The following SLC4A4 variants were observed in gnomAD, a reference collection of about 807,000 sequenced individuals.
SLC4A4 encodes the protein solute carrier family 4 member 4.
A neutral mutation model predicts 111.5 loss-of-function variants in SLC4A4; 27 were observed. The ratio of observed to expected loss-of-function variants is 0.24; its 90% CI spans 0.18 to 0.33. The LOEUF is 0.33. SLC4A4 is among the 10% of genes least tolerant of loss of function. The pLI is 1.00. For synonymous variants in SLC4A4, 443 were observed against 463.4 expected (o/e 0.96, Z 0.57); for missense variants, 909 against 1,315.5 (o/e 0.69, Z 4.78).
intron 3 of SLC4A4, among the ~76,000 whole-genome samples, chr4:71,273,915 G>A (rs2149083827): frequency 6.6e-6 from 1 of 152,232 alleles, no homozygotes; most frequent in Admixed American, 6.5e-5. Flanking sequence ...ATGATTAAAT[G>A]AGATAATCAA....
Position 71,097,465 on chromosome 4 carries a change from A to T in SLC4A4, c.-2+4673A>T, listed in dbSNP as rs1487917145. On this transcript the variant is annotated intron_variant, in intron 2 of 26. Transcript: ENST00000649996. ...TTGATTCTATGTCTTTGCTATTGTG[A>T]ATAGTGCTGCAATAAACATTTGCAT... Among the ~76,000 whole-genome samples the T allele has an allele frequency of 2.6e-5, 4 of 152,176 alleles. No homozygotes were observed. In the East Asian group the frequency reaches 7.7e-4, roughly 29 times the overall value.
chr4:71,286,792 T>C (rs923153481), intron 3 of SLC4A4, among the ~76,000 whole-genome samples: 1 of 152,262 alleles, frequency 6.6e-6, no homozygotes, highest in Non-Finnish European at 1.5e-5. Context: ...TTATTGTTAC[T>C]ACTTCGAAAT....
At chr4:71,147,659 T>C (rs1005721987) in intron 2 of SLC4A4, among the ~76,000 whole-genome samples, 3 of 152,132 alleles carry the variant, frequency 2.0e-5, no homozygotes, top group Non-Finnish European at 4.4e-5. Context: ...TTTATAGCAT[T>C]GTGACATGGA....
intron 3 of SLC4A4, among the ~76,000 whole-genome samples, chr4:71,256,629 A>G (rs992872381): frequency 2.0e-5 from 3 of 152,180 alleles, no homozygotes; most frequent in African/African-American, 7.2e-5. Flanking sequence ...TTTTCACTGA[A>G]GTACTGGGGG....
At chr4:71,168,229 T>G (rs1042324421) in intron 2 of SLC4A4, among the ~76,000 whole-genome samples, 1 of 146,360 alleles carries the variant, frequency 6.8e-6, no homozygotes, top group African/African-American at 2.6e-5. Context: ...TTGCTCAGGC[T>G]GGAGTACAGT....
At chr4:71,091,621 T>C (rs1742391579) in intron 1 of SLC4A4, among the ~76,000 whole-genome samples, 2 of 152,140 alleles carry the variant, frequency 1.3e-5, no homozygotes, top group Non-Finnish European at 2.9e-5. Flanking sequence ...AAGTCCAAAA[T>C]TCTCGGGTAG....
At chr4:71,564,605 A>G (rs1184988614) in intron 24 of SLC4A4, among the ~76,000 whole-genome samples, 4 of 151,416 alleles carry the variant, frequency 2.6e-5, no homozygotes, top group South Asian at 2.1e-4. Context: ...GCAGGTAGCA[A>G]TTGCCATCAA....
chr4:71,284,951 C>T (rs879754046), intron 3 of SLC4A4, among the ~76,000 whole-genome samples: 1 of 152,096 alleles, frequency 6.6e-6, no homozygotes, highest in Non-Finnish European at 1.5e-5. Flanking sequence ...CTGATTAGGC[C>T]GTTATTTAGT....
At chr4:71,080,136 AGTT>A (rs1741953324) in intron 1 of SLC4A4, among the ~76,000 whole-genome samples, 1 of 152,076 alleles carries the variant, frequency 6.6e-6, no homozygotes, top group African/African-American at 2.4e-5. Context: ...AATCGAAGGC[AGTT>A]GTTACCTTGA....
chr4:71,075,842 T>TA (rs1349845792), intron 1 of SLC4A4, among the ~76,000 whole-genome samples: 1 of 151,896 alleles, frequency 6.6e-6, no homozygotes, highest in African/African-American at 2.4e-5. Flanking sequence ...TGGGCGCCTG[T>TA]AGTCCCAGCT....
chr4:71,114,139 C>T (rs2148953075), intron 2 of SLC4A4, among the ~76,000 whole-genome samples: 2 of 152,196 alleles, frequency 1.3e-5, no homozygotes, highest in Middle Eastern at 6.8e-3. Context: ...CCCAGCTACT[C>T]AGGAGGCTGA....
intron 1 of SLC4A4, among the ~76,000 whole-genome samples, chr4:71,222,734 T>C (rs1718821079): frequency 6.6e-6 from 1 of 152,234 alleles, no homozygotes. Flanking sequence ...TCAATGTTCT[T>C]GTAATAGTGA....
intron 2 of SLC4A4, among the ~76,000 whole-genome samples, chr4:71,151,756 TAA>T (rs35840387): frequency 1.6e-3 from 208 of 127,858 alleles, no homozygotes; most frequent in African/African-American, 3.0e-3. Context: ...CCATTTCTAC[TAA>T]AAAAAAAAAA....
At chr4:71,276,298 G>A (rs902355840) in intron 3 of SLC4A4, among the ~76,000 whole-genome samples, 1 of 151,666 alleles carries the variant, frequency 6.6e-6, no homozygotes, top group Non-Finnish European at 1.5e-5. Flanking sequence ...ACATTGGTAC[G>A]ATGTGTGACA....
chr4:71,185,367 A>G (rs1401220535), upstream of SLC4A4, among the ~76,000 whole-genome samples: 1 of 152,234 alleles, frequency 6.6e-6, no homozygotes, highest in African/African-American at 2.4e-5. Context: ...CTGCCTGCTC[A>G]GGGAGTGAAA....
chr4:71,251,535 T>A (rs1310744514), intron 2 of SLC4A4, among the ~76,000 whole-genome samples: 1 of 152,106 alleles, frequency 6.6e-6, no homozygotes, highest in Admixed American at 6.5e-5. Context: ...ATATTTAGAG[T>A]TTGTTGGGAA....
intron 15 of SLC4A4, among the ~76,000 whole-genome samples, chr4:71,495,593 C>T (rs1406972870): frequency 1.3e-5 from 2 of 152,014 alleles, no homozygotes; most frequent in Non-Finnish European, 2.9e-5. Context: ...TATGTAAGCA[C>T]TTTACCTTTT....
chr4:71,181,280 G>C (rs529006327), intron 2 of SLC4A4, among the ~76,000 whole-genome samples: 15 of 151,856 alleles, frequency 9.9e-5, no homozygotes, highest in Non-Finnish European at 1.8e-4. Context: ...ATGAGTTACC[G>C]AGTGCAGCAC....
intron 7 of SLC4A4, among the ~76,000 whole-genome samples, chr4:71,432,539 C>T (rs1358432801): frequency 2.0e-5 from 3 of 151,994 alleles, no homozygotes; most frequent in African/African-American, 7.2e-5. Context: ...ATTAGTATTT[C>T]TTGAAGGATT....
Sources: allele counts gnomAD v4.1 joint callset (sites outside exome capture counted in the v4.1 genomes callset), GRCh38; gene constraint gnomAD v4.1.1; transcripts MANE v1.5; gene names NCBI Gene and HGNC (gene_info 2026-07-23, HGNC 2026-07-21).